The following ANO3 variants were observed in gnomAD, a reference collection of about 807,000 sequenced individuals.
ANO3 encodes anoctamin-3.
ANO3 carries 99 observed loss-of-function variants against 144.8 expected under a neutral mutation model. The ratio of observed to expected loss-of-function variants is 0.68; its 90% CI spans 0.58 to 0.81. The LOEUF (loss-of-function observed/expected upper bound fraction) is 0.81, where lower values mean the gene tolerates loss of function less well. ANO3 is among the 30% of genes least tolerant of loss of function. The pLI, the probability that ANO3 is intolerant of heterozygous loss-of-function variation, is 0.00. For missense variants in ANO3, 905 were observed against 1,202.2 expected, an observed-to-expected ratio of 0.75 and a Z score of 3.66; for synonymous variants, 414 against 392.6, an observed-to-expected ratio of 1.05 and a Z score of -0.64.
At chr11:26,517,645 A>G (rs142687094) in intron 6 of ANO3, among the ~76,000 whole-genome samples, 2 of 152,148 alleles carry the variant, frequency 1.3e-5, no homozygotes, top group African/African-American at 4.8e-5. Context: ...ATGGTTTTAA[A>G]AGGTTCAGCA....
chr11:26,302,920 A>AG (rs1461371488), intron 1 of ANO3, among the ~76,000 whole-genome samples: 2 of 152,232 alleles, frequency 1.3e-5, no homozygotes, highest in African/African-American at 4.8e-5. Context: ...TTTTAAAAGT[A>AG]GCCAACAAAC....
At chr11:26,590,194 G>A (rs1851403927) in intron 14 of ANO3, among the ~76,000 whole-genome samples, 1 of 152,174 alleles carries the variant, frequency 6.6e-6, no homozygotes, top group African/African-American at 2.4e-5. Context: ...AGAATAGGAG[G>A]TAGGAGTTGC....
intron 1 of ANO3, among the ~76,000 whole-genome samples, chr11:26,235,468 G>A (rs1202655980): frequency 1.3e-5 from 2 of 151,822 alleles, no homozygotes; most frequent in African/African-American, 4.8e-5. Context: ...TTCTGACATT[G>A]AGAAATTTCA....
At chr11:26,349,545 G>A (rs144547105) in intron 1 of ANO3, among the ~76,000 whole-genome samples, 161 of 152,006 alleles carry the variant, frequency 1.1e-3, no homozygotes, top group Middle Eastern at 3.4e-3. Flanking sequence ...TTGTTTGTTT[G>A]TTTTTGTTTT....
chr11:26,502,479 C>G (rs1861237146), intron 4 of ANO3, among the ~76,000 whole-genome samples: 1 of 152,102 alleles, frequency 6.6e-6, no homozygotes, highest in Non-Finnish European at 1.5e-5. Flanking sequence ...TGTCATACTA[C>G]ATTTTACTAA....
chr11:26,382,179 A>T (rs1423155259), intron 1 of ANO3, among the ~76,000 whole-genome samples: 1 of 152,206 alleles, frequency 6.6e-6, no homozygotes, highest in African/African-American at 2.4e-5. Context: ...GGGTTGCTTA[A>T]GCAATGGTAA....
At chr11:26,542,833 A>G (rs1185189801) in intron 11 of ANO3, among the ~76,000 whole-genome samples, 1 of 69,320 alleles carries the variant, frequency 1.4e-5, no homozygotes, top group Non-Finnish European at 3.3e-5. Context: ...TCTTTAGTTA[A>G]CTATATTTAT....
intron 21 of ANO3, 100 bp downstream of exon 21, chr11:26,639,341 C>T: frequency 1.3e-6 from 1 of 782,568 alleles, no homozygotes; most frequent in Middle Eastern, 2.4e-4. Context: ...GGTAATCAGA[C>T]AAATGATGGC....
At chr11:26,254,586 A>C (rs1223992122) in intron 1 of ANO3, among the ~76,000 whole-genome samples, 1 of 152,178 alleles carries the variant, frequency 6.6e-6, no homozygotes, top group Admixed American at 6.5e-5. Context: ...TCTACTCAGA[A>C]TTCCACTACG....
At chr11:26,431,261 C>T (rs980904453) in intron 1 of ANO3, among the ~76,000 whole-genome samples, 5 of 152,136 alleles carry the variant, frequency 3.3e-5, no homozygotes, top group Admixed American at 3.3e-4. Context: ...AACTTTGAAG[C>T]CTAAACCAGA....
At chr11:26,508,001 A>AT (rs1192075840) in intron 4 of ANO3, 103 bp from the exon 5 acceptor site, 3 of 1,004,430 alleles carry the variant, frequency 3.0e-6, no homozygotes, top group Non-Finnish European at 4.3e-6. Flanking sequence ...TTAAAAATAC[A>AT]TTTTTTGATA....
At chr11:26,513,866 A>G (rs982801652) in intron 5 of ANO3, among the ~76,000 whole-genome samples, 1 of 152,112 alleles carries the variant, frequency 6.6e-6, no homozygotes, top group Non-Finnish European at 1.5e-5. Context: ...AGACTCATTC[A>G]TCTTCATGAA....
At chr11:26,259,770 C>T (rs1853143880) in intron 1 of ANO3, among the ~76,000 whole-genome samples, 1 of 152,122 alleles carries the variant, frequency 6.6e-6, no homozygotes, top group Non-Finnish European at 1.5e-5. Context: ...AGACTCCAAG[C>T]ACTTCTGACC....
intron 1 of ANO3, among the ~76,000 whole-genome samples, chr11:26,203,048 G>A (rs1851728894): frequency 6.6e-6 from 1 of 152,080 alleles, no homozygotes. Context: ...TTAAACATAA[G>A]ACAAGCAGTT....
At chr11:26,572,163 G>C in intron 14 of ANO3, 1 of 985,450 alleles carries the variant, frequency 1.0e-6, no homozygotes, top group South Asian at 4.7e-5. Context: ...CACTGAGCAG[G>C]AGGGTGCCAG....
intron 14 of ANO3, among the ~76,000 whole-genome samples, chr11:26,583,678 G>A (rs1025237060): frequency 6.6e-6 from 1 of 152,198 alleles, no homozygotes; most frequent in Non-Finnish European, 1.5e-5. Context: ...TTTGCCAAAC[G>A]CAGAACCTGT....
At chr11:26,481,430 T>G (rs1209417331) in intron 4 of ANO3, among the ~76,000 whole-genome samples, 1 of 152,206 alleles carries the variant, frequency 6.6e-6, no homozygotes, top group African/African-American at 2.4e-5. Flanking sequence ...TGGAAAATTC[T>G]ACTACATTCA....
intron 4 of ANO3, among the ~76,000 whole-genome samples, chr11:26,489,998 A>T (rs1389927015): frequency 6.6e-6 from 1 of 152,148 alleles, no homozygotes; most frequent in Non-Finnish European, 1.5e-5. Context: ...ATTGGTTTTA[A>T]AATGTGAGGA....
intron 1 of ANO3, among the ~76,000 whole-genome samples, chr11:26,396,141 C>G (rs180698080): frequency 1.3e-5 from 2 of 152,118 alleles, no homozygotes; most frequent in Non-Finnish European, 2.9e-5. Context: ...TATGAACAGA[C>G]ACTTCTCAAA....
Sources: allele counts gnomAD v4.1 joint callset (sites outside exome capture counted in the v4.1 genomes callset), GRCh38; gene constraint gnomAD v4.1.1; transcripts MANE v1.5; gene names NCBI Gene and HGNC (gene_info 2026-07-23, HGNC 2026-07-21).